The following MYO16 variants were observed in gnomAD, a reference collection of about 807,000 sequenced individuals.
MYO16 encodes the protein myosin XVI, also known as unconventional myosin-XVI.
A neutral mutation model predicts 205.3 loss-of-function variants in MYO16; 94 were observed. The observed-to-expected ratio is 0.46, with a 90% CI of 0.39 to 0.54. MYO16 has a LOEUF of 0.54. MYO16 is among the 20% of genes least tolerant of loss of function. The pLI is 0.00. For synonymous variants in MYO16, 988 were observed against 954.0 expected (o/e 1.04, Z -0.66); for missense variants, 2,315 against 2,387.5 (o/e 0.97, Z 0.63).
At chr13:108,903,362 A>G (rs1404631787) in intron 15 of MYO16, among the ~76,000 whole-genome samples, 2 of 127,434 alleles carry the variant, frequency 1.6e-5, no homozygotes, top group African/African-American at 3.0e-5. Flanking sequence ...AACATCATGT[A>G]TACAGGGTTT....
chr13:108,766,631 C>T (rs9559408), intron 4 of MYO16, among the ~76,000 whole-genome samples: 5,025 of 152,258 alleles, frequency 0.033, 242 homozygotes, highest in East Asian at 0.24. Context: ...CAAGGCAGAG[C>T]GGGTAAATAG....
chr13:109,084,830 G>A (rs1888389785), intron 27 of MYO16, among the ~76,000 whole-genome samples: 2 of 151,598 alleles, frequency 1.3e-5, no homozygotes, highest in South Asian at 4.2e-4. Context: ...AATATGGAAT[G>A]CACAAAAAAG....
At chr13:109,183,508 G>T in intron 34 of MYO16, among the ~76,000 whole-genome samples, 1 of 152,200 alleles carries the variant, frequency 6.6e-6, no homozygotes, top group East Asian at 1.9e-4. Flanking sequence ...ATTGAGAAAT[G>T]AGCTGTTTAA....
At chr13:108,538,445 G>C in the MYO16 span, among the ~76,000 whole-genome samples, 25 of 152,074 alleles carry the variant, frequency 1.6e-4, no homozygotes. Flanking sequence ...AATTCCACTA[G>C]TGGTTGTGTG....
chr13:109,057,564 C>T (rs550140251), intron 27 of MYO16, among the ~76,000 whole-genome samples: 3 of 152,052 alleles, frequency 2.0e-5, no homozygotes, highest in African/African-American at 4.8e-5. Context: ...TTGGGAAGGA[C>T]GGCTCCTGAC....
intron 2 of MYO16, among the ~76,000 whole-genome samples, chr13:108,705,773 C>A (rs1354143805): frequency 1.3e-5 from 2 of 151,800 alleles, no homozygotes; most frequent in Admixed American, 6.6e-5. Flanking sequence ...GTTAGATAAA[C>A]CACATGAAAC....
chr13:108,844,030 C>A (rs1337188057), intron 9 of MYO16, among the ~76,000 whole-genome samples: 2 of 152,076 alleles, frequency 1.3e-5, no homozygotes, highest in East Asian at 3.8e-4. Flanking sequence ...CTAGTTCAGC[C>A]ATGCATTTCA....
intron 23 of MYO16, among the ~76,000 whole-genome samples, chr13:109,041,302 T>C (rs1186511261): frequency 1.3e-5 from 2 of 152,192 alleles, no homozygotes; most frequent in African/African-American, 2.4e-5. Flanking sequence ...TCTCCCCAGA[T>C]TGACATATAG....
chr13:108,755,513 A>G (rs1317002333), intron 4 of MYO16, among the ~76,000 whole-genome samples: 1 of 151,832 alleles, frequency 6.6e-6, no homozygotes, highest in Non-Finnish European at 1.5e-5. Context: ...TTAACATCAA[A>G]TAGATGTCTT....
chr13:109,163,481 A>ATCCCTCCCCCCTCCCTCCTTCCCTCCC (rs1878489936), intron 32 of MYO16, among the ~76,000 whole-genome samples: 1 of 76,220 alleles, frequency 1.3e-5, no homozygotes, highest in African/African-American at 4.5e-5. Context: ...CCTTCCCTCC[A>ATCCCTCCCCCCTCCCTCCTTCCCTCCC]TCCCTCCCCA....
In MYO16 at chr13:108,961,593, C is replaced by G. The variant is rs769376841; in HGVS notation, c.2092C>G (p.Arg698Gly). 3.7e-6 allele frequency: 6 copies of G among 1,614,012 alleles called. No homozygotes were observed. In the Admixed American group the frequency reaches 6.7e-5, roughly 18 times the overall value. Residue 698 changes from arginine to glycine, a missense_variant, in exon 18 of 35, where the codon CGG (arginine) becomes GGG (glycine). By Grantham distance (125) the Arg-to-Gly change is moderately radical (BLOSUM62 -2). Transcript: ENST00000457511. ...LAAILHLGDI[R>G]FTALNEGNSA... The stretch of plus-strand genomic sequence containing the variant: ...AGCAATATTGCACCTTGGAGACATT[C>G]GGTTTACTGCCCTGAATGAGGGGAA...
At chr13:108,707,496 G>C (rs560769879) in intron 2 of MYO16, among the ~76,000 whole-genome samples, 1 of 152,236 alleles carries the variant, frequency 6.6e-6, no homozygotes, top group East Asian at 1.9e-4. Context: ...TTGATTGCAG[G>C]CCTCCCCATC....
chr13:109,091,844 T>G (rs1174589131), intron 27 of MYO16, among the ~76,000 whole-genome samples: 1 of 152,234 alleles, frequency 6.6e-6, no homozygotes, highest in African/African-American at 2.4e-5. Flanking sequence ...AATATTATTT[T>G]GTTGTTCACA....
At chr13:108,875,478 A>C (rs890978953) in intron 12 of MYO16, among the ~76,000 whole-genome samples, 2 of 152,176 alleles carry the variant, frequency 1.3e-5, no homozygotes, top group African/African-American at 4.8e-5. Flanking sequence ...GCATCAGGTA[A>C]TGTGTTGCCA....
chr13:109,190,049 AG>A (rs1879848275), intron 34 of MYO16, among the ~76,000 whole-genome samples: 1 of 152,144 alleles, frequency 6.6e-6, no homozygotes, highest in Non-Finnish European at 1.5e-5. Flanking sequence ...TCCCACGTAA[AG>A]TTTTAATGTT....
In MYO16 at chr13:108,715,164, C is replaced by T. The variant is rs145440605; in HGVS notation, c.363+2433C>T. On this transcript the variant is annotated intron_variant, in intron 3 of 34. Transcript: ENST00000457511. ...TTCCCTCTGCGCTCTGCTCTGCTGA[C>T]ACCGGCCACCTTGCTGCTCCTTCAG... Among the ~76,000 whole-genome samples, 1,277 of 152,340 alleles carry T rather than the reference C, an allele frequency of 8.4e-3. 9 individuals are homozygous for T. Among genetic ancestry groups the T allele is most frequent in the South Asian group, 0.022 (105 of 4,832 alleles).
At chr13:108,895,823 CG>C (rs1393658368) in intron 14 of MYO16, among the ~76,000 whole-genome samples, 1 of 152,200 alleles carries the variant, frequency 6.6e-6, no homozygotes, top group Non-Finnish European at 1.5e-5. Flanking sequence ...GTGAGCAGGA[CG>C]GGAACATTGT....
chr13:108,524,652 C>A, the MYO16 span, among the ~76,000 whole-genome samples: 1 of 152,188 alleles, frequency 6.6e-6, no homozygotes, highest in African/African-American at 2.4e-5. Context: ...CCATGATCCT[C>A]TTTGAAACAC....
chr13:108,674,279 T>C (rs1282575185), intron 2 of MYO16, among the ~76,000 whole-genome samples: 1 of 152,210 alleles, frequency 6.6e-6, no homozygotes, highest in Non-Finnish European at 1.5e-5. Context: ...TCCAGCTGTT[T>C]CCTTGTATTT....
Sources: allele counts gnomAD v4.1 joint callset (sites outside exome capture counted in the v4.1 genomes callset), GRCh38; gene constraint gnomAD v4.1.1; transcripts MANE v1.5; gene names NCBI Gene and HGNC (gene_info 2026-07-23, HGNC 2026-07-21).